Variants in PSD3 observed in about 807,000 individuals in gnomAD.
PSD3 encodes pleckstrin and Sec7 domain containing 3.
A neutral mutation model predicts 105.5 loss-of-function variants in PSD3; 49 were observed. That is an observed-to-expected ratio of 0.46 (90% confidence interval 0.37 to 0.59). The LOEUF (loss-of-function observed/expected upper bound fraction) is 0.59, where lower values mean the gene tolerates loss of function less well. Among genes scored for constraint, PSD3 ranks in the 20% least tolerant of loss-of-function variants. The pLI is 0.00. For synonymous variants in PSD3, 557 were observed against 457.8 expected, an observed-to-expected ratio of 1.22 and a Z score of -2.77; for missense variants, 1,561 against 1,263.8, an observed-to-expected ratio of 1.24 and a Z score of -3.57.
intron 15 of PSD3, among the ~76,000 whole-genome samples, chr8:18,539,145 C>T (rs1873085): frequency 0.73 from 110,305 of 152,112 alleles, 40,174 homozygotes; most frequent in East Asian, 0.84. Context: ...GTAACTTTAA[C>T]TTCAGGACTA....
chr8:18,852,095 A>T (rs1815623920), intron 4 of PSD3, among the ~76,000 whole-genome samples: 1 of 152,222 alleles, frequency 6.6e-6, no homozygotes. Flanking sequence ...TCTTATTTAC[A>T]AATTTTACAA....
chr8:18,635,886 G>T (rs1807211483), intron 10 of PSD3, among the ~76,000 whole-genome samples: 1 of 151,754 alleles, frequency 6.6e-6, no homozygotes. Context: ...GCCTGTTGGG[G>T]GTGGGGTGGA....
At chr8:18,613,360 C>T (rs1216343529) in intron 11 of PSD3, among the ~76,000 whole-genome samples, 1 of 152,130 alleles carries the variant, frequency 6.6e-6, no homozygotes, top group Non-Finnish European at 1.5e-5. Context: ...GGAGCCTGGT[C>T]TCTCTCGTTT....
intron 9 of PSD3, among the ~76,000 whole-genome samples, chr8:18,705,097 T>C (rs1161823127): frequency 5.9e-5 from 9 of 152,220 alleles, no homozygotes; most frequent in African/African-American, 2.4e-5. Flanking sequence ...CAATTTATTG[T>C]ATTAATAATA....
intron 1 of PSD3, among the ~76,000 whole-genome samples, chr8:19,058,041 T>C (rs1046943717): frequency 3.3e-5 from 5 of 152,164 alleles, no homozygotes; most frequent in African/African-American, 7.2e-5. Flanking sequence ...AACTAACATG[T>C]CTTTCAAAGG....
chr8:18,905,656 C>G (rs1356924808), intron 2 of PSD3, among the ~76,000 whole-genome samples: 10 of 152,092 alleles, frequency 6.6e-5, no homozygotes, highest in African/African-American at 2.2e-4. Flanking sequence ...ATTGCCTATA[C>G]TTTTCTATGC....
chr8:18,662,797 A>G (rs1809455296), intron 9 of PSD3, among the ~76,000 whole-genome samples: 1 of 152,134 alleles, frequency 6.6e-6, no homozygotes, highest in Admixed American at 6.5e-5. Flanking sequence ...ATTTTTTGCC[A>G]TGGTTTTTGA....
chr8:18,819,332 C>T (rs1437750921), intron 4 of PSD3, among the ~76,000 whole-genome samples: 3 of 152,032 alleles, frequency 2.0e-5, no homozygotes, highest in African/African-American at 7.2e-5. Flanking sequence ...GCTTGAATCA[C>T]CAAAAAGAAT....
intron 1 of PSD3, among the ~76,000 whole-genome samples, chr8:18,949,964 A>G (rs75270629): frequency 0.11 from 16,829 of 152,186 alleles, 1,220 homozygotes; most frequent in Non-Finnish European, 0.17. Flanking sequence ...CAGTAAAGTC[A>G]TTCTTCAAAA....
rs1029959927 is a variant in PSD3, at chr8:18,782,404, C to G, written c.2083-16866G>C. On this transcript the variant is annotated intron_variant, in intron 8 of 15. Coordinates refer to ENST00000327040, the MANE Select transcript of PSD3 (RefSeq NM_015310.4). ...TGGCTTTGATTCTGGGTGGGAGAAG[C>G]AGTGCAGTCTCCATATGACTTCTTT... Among the ~76,000 whole-genome samples the G allele has an allele frequency of 2.6e-5, 4 of 152,092 alleles. No individual in the cohort carries two copies. In the East Asian group the frequency reaches 7.7e-4, roughly 29 times the overall value.
intron 12 of PSD3, among the ~76,000 whole-genome samples, chr8:18,599,023 A>AT (rs1043343613): frequency 4.6e-5 from 7 of 151,918 alleles, no homozygotes; most frequent in African/African-American, 1.7e-4. Flanking sequence ...TCCCAGTGGA[A>AT]TTTTTTACAG....
Position 18,572,487 on chromosome 8 carries a change from A to C in PSD3, c.2784+41T>G, listed in dbSNP as rs142343828. The C allele has an allele frequency of 5.9e-4, 936 of 1,591,292 alleles. 7 individuals are homozygous for C. The highest frequency in any genetic ancestry group is 4.4e-3 in the East Asian group (195 of 44,570). ...AAATATTTATCACATTATTTTACAA[A>C]GTACTTTTTCCCAAGGTCAAAGCAC... On this transcript the variant is annotated intron_variant, in intron 14 of 15. Transcript: ENST00000327040.
intron 15 of PSD3, among the ~76,000 whole-genome samples, chr8:18,555,769 G>T (rs190129534): frequency 5.3e-5 from 8 of 152,266 alleles, no homozygotes; most frequent in Non-Finnish European, 1.2e-4. Flanking sequence ...GAAGAAAAAC[G>T]CATAGTGTTG....
chr8:18,688,062 C>G (rs1033968425), intron 9 of PSD3, among the ~76,000 whole-genome samples: 1 of 152,080 alleles, frequency 6.6e-6, no homozygotes, highest in Admixed American at 6.5e-5. Context: ...AGCCACTACG[C>G]TTGGTCTATT....
chr8:18,832,857 A>T (rs1219124029), intron 4 of PSD3, among the ~76,000 whole-genome samples: 1 of 152,138 alleles, frequency 6.6e-6, no homozygotes, highest in African/African-American at 2.4e-5. Flanking sequence ...CTAGAACAGC[A>T]TAGCTCCCAT....
intron 4 of PSD3, among the ~76,000 whole-genome samples, chr8:18,806,082 A>C (rs1811169084): frequency 6.6e-6 from 1 of 152,182 alleles, no homozygotes; most frequent in Non-Finnish European, 1.5e-5. Flanking sequence ...AATTAAAAAG[A>C]CATGATCTCA....
At chr8:18,708,629 T>C (rs1802044527) in intron 9 of PSD3, among the ~76,000 whole-genome samples, 1 of 152,050 alleles carries the variant, frequency 6.6e-6, no homozygotes, top group African/African-American at 2.4e-5. Context: ...GATGCAAATA[T>C]GCATAATACC....
chr8:18,928,753 CTTGT>C (rs1410116972), intron 2 of PSD3, among the ~76,000 whole-genome samples: 7 of 147,280 alleles, frequency 4.8e-5, no homozygotes, highest in South Asian at 2.2e-4. Flanking sequence ...TCCTTCCTTC[CTTGT>C]TTCTTTCTTT....
At chr8:18,652,493 G>GTTATTT (rs781025929) in intron 10 of PSD3, among the ~76,000 whole-genome samples, 1 of 92,596 alleles carries the variant, frequency 1.1e-5, no homozygotes, top group African/African-American at 4.3e-5. Context: ...AAAAAGCTTA[G>GTTATTT]TTTTTTTTTT....
Sources: allele counts gnomAD v4.1 joint callset (sites outside exome capture counted in the v4.1 genomes callset), GRCh38; gene constraint gnomAD v4.1.1; transcripts MANE v1.5; gene names NCBI Gene and HGNC (gene_info 2026-07-23, HGNC 2026-07-21).